The following WWOX variants were observed in gnomAD, a reference collection of about 807,000 sequenced individuals.
WWOX encodes the protein WW domain-containing oxidoreductase.
Under a neutral mutation model 46.2 loss-of-function variants are expected in WWOX, and 69 were observed. The ratio of observed to expected loss-of-function variants is 1.49; its 90% CI spans 1.23 to 1.82. WWOX has a LOEUF of 1.82. Ranked by LOEUF, WWOX falls within the 40% of genes most tolerant of loss-of-function variation. The pLI, the probability that WWOX is intolerant of heterozygous loss-of-function variation, is 0.00. For synonymous variants in WWOX, 359 were observed against 202.6 expected, an observed-to-expected ratio of 1.77 and a Z score of -6.56; for missense variants, 919 against 542.6, an observed-to-expected ratio of 1.69 and a Z score of -6.89.
intron 8 of WWOX, among the ~76,000 whole-genome samples, chr16:79,122,519 C>T (rs1423319891): frequency 6.6e-6 from 1 of 151,628 alleles, no homozygotes; most frequent in African/African-American, 2.4e-5. Flanking sequence ...TCCCTTCCTT[C>T]CTTCCTTCTC....
intron 8 of WWOX, chr16:78,506,460 CAG>C (rs2085206431): frequency 6.6e-6 from 1 of 152,236 alleles, no homozygotes; most frequent in Non-Finnish European, 1.5e-5. Flanking sequence ...AAGGTATATT[CAG>C]AGTCTCCAAG....
intron 8 of WWOX, among the ~76,000 whole-genome samples, chr16:78,799,044 C>T (rs1185440396): frequency 6.6e-6 from 1 of 152,162 alleles, no homozygotes; most frequent in East Asian, 1.9e-4. Flanking sequence ...TTTATATGTG[C>T]TTGTATCGTC....
chr16:78,898,651 G>T (rs1016053565), intron 8 of WWOX: 1 of 152,070 alleles, frequency 6.6e-6, no homozygotes, highest in Non-Finnish European at 1.5e-5. Flanking sequence ...CTTTTAAAAA[G>T]CCTTGCTGGG....
intron 8 of WWOX, among the ~76,000 whole-genome samples, chr16:78,985,198 A>C (rs577277144): frequency 6.6e-6 from 1 of 152,348 alleles, no homozygotes; most frequent in East Asian, 1.9e-4. Flanking sequence ...TCCAGGACTT[A>C]ACTCTGGAGA....
At chr16:78,449,147 A>G (rs2083629949) in intron 8 of WWOX, among the ~76,000 whole-genome samples, 1 of 152,164 alleles carries the variant, frequency 6.6e-6, no homozygotes, top group Non-Finnish European at 1.5e-5. Context: ...CTTATGGCCC[A>G]GTGGATTGAA....
intron 8 of WWOX, among the ~76,000 whole-genome samples, chr16:78,649,148 G>T (rs943788065): frequency 6.6e-6 from 1 of 151,616 alleles, no homozygotes; most frequent in African/African-American, 2.4e-5. Context: ...TAATTTTTTT[G>T]GTTTTTTTTG....
At chr16:78,750,114 G>A (rs557042087) in intron 8 of WWOX, among the ~76,000 whole-genome samples, 3 of 152,298 alleles carry the variant, frequency 2.0e-5, no homozygotes, top group South Asian at 2.1e-4. Flanking sequence ...TAAAAACAAG[G>A]AAGAAGAGAA....
intron 8 of WWOX, chr16:79,203,061 C>G (rs771569150): frequency 2.0e-5 from 3 of 152,194 alleles, no homozygotes; most frequent in Non-Finnish European, 4.4e-5. Context: ...GAATTATTTA[C>G]CCGGGCAATT....
At chr16:78,529,713 C>G (rs12446961) in intron 8 of WWOX, among the ~76,000 whole-genome samples, 7,032 of 152,032 alleles carry the variant, frequency 0.046, 325 homozygotes, top group African/African-American at 0.12. Context: ...GTGATCCACC[C>G]ACCTCGGCCT....
intron 5 of WWOX, among the ~76,000 whole-genome samples, chr16:78,240,700 C>CATTTG (rs1236417970): frequency 2.0e-5 from 3 of 152,162 alleles, no homozygotes; most frequent in African/African-American, 7.2e-5. Context: ...TCCAGAGCAG[C>CATTTG]CGTCTCGTGT....
chr16:78,297,770 C>T (rs1347235177), intron 5 of WWOX, among the ~76,000 whole-genome samples: 1 of 152,044 alleles, frequency 6.6e-6, no homozygotes, highest in Non-Finnish European at 1.5e-5. Context: ...TCTTTATATC[C>T]TAGTATGGGC....
At chr16:78,718,784 T>C (rs1307688842) in intron 8 of WWOX, among the ~76,000 whole-genome samples, 1 of 152,148 alleles carries the variant, frequency 6.6e-6, no homozygotes, top group Non-Finnish European at 1.5e-5. Flanking sequence ...CACATATTTA[T>C]TGAGACACTA....
intron 5 of WWOX, among the ~76,000 whole-genome samples, chr16:78,333,357 A>G (rs888435586): frequency 2.6e-5 from 4 of 151,898 alleles, no homozygotes; most frequent in South Asian, 4.2e-4. Flanking sequence ...TCAATTTTCT[A>G]TGGTGTGTGT....
chr16:79,139,308 G>C (rs1208999836), intron 8 of WWOX, among the ~76,000 whole-genome samples: 2 of 152,214 alleles, frequency 1.3e-5, no homozygotes, highest in African/African-American at 4.8e-5. Context: ...TCAAATTCCA[G>C]CTACAGAAGC....
At chr16:78,130,119 C>T (rs1290137225) in intron 4 of WWOX, 2 of 152,234 alleles carry the variant, frequency 1.3e-5, no homozygotes, top group Admixed American at 1.3e-4. Context: ...TGTAAGTTTC[C>T]TGAGGTCTCC....
intron 8 of WWOX, among the ~76,000 whole-genome samples, chr16:79,207,340 T>G (rs2150849023): frequency 6.6e-6 from 1 of 152,374 alleles, no homozygotes; most frequent in African/African-American, 2.4e-5. Flanking sequence ...GTGTCTTTCC[T>G]TTTAGCCAAA....
chr16:78,999,084 G>A (rs1172101248), intron 8 of WWOX, among the ~76,000 whole-genome samples: 1 of 151,988 alleles, frequency 6.6e-6, no homozygotes, highest in Non-Finnish European at 1.5e-5. Context: ...TCAAAAGTAG[G>A]TTTGCGCAAC....
At chr16:78,945,894 C>T (rs907964506) in intron 8 of WWOX, among the ~76,000 whole-genome samples, 6 of 152,102 alleles carry the variant, frequency 3.9e-5, no homozygotes, top group African/African-American at 1.2e-4. Flanking sequence ...CCTTTAACTG[C>T]CCTTGTGACC....
chr16:78,841,439 G>T (rs1395574507), intron 8 of WWOX, among the ~76,000 whole-genome samples: 2 of 152,126 alleles, frequency 1.3e-5, no homozygotes, highest in Non-Finnish European at 2.9e-5. Flanking sequence ...ACATCGTGTT[G>T]GTAGCTTGAA....
Sources: gnomAD v4.1 joint callset for allele counts (sites outside exome capture counted in the v4.1 genomes callset) on GRCh38, gnomAD v4.1.1 for gene constraint, MANE v1.5 for transcripts, NCBI Gene and HGNC (gene_info 2026-07-23, HGNC 2026-07-21) for gene names.